The following ELMO1 variants were observed in gnomAD, a reference collection of about 807,000 sequenced individuals.
ELMO1 encodes the protein engulfment and cell motility protein 1.
A neutral mutation model predicts 98.9 loss-of-function variants in ELMO1; 26 were observed. The observed-to-expected ratio is 0.26, with a 90% CI of 0.19 to 0.36. The LOEUF (loss-of-function observed/expected upper bound fraction) is 0.36. ELMO1 is among the 10% of genes least tolerant of loss of function. The probability of loss-of-function intolerance (pLI) is 1.00; values close to 1 mark genes in which losing one functional copy is unlikely to be tolerated. For synonymous variants in ELMO1, 346 were observed against 346.0 expected, an observed-to-expected ratio of 1.00 and a Z score of 0.00; for missense variants, 627 against 935.2, an observed-to-expected ratio of 0.67 and a Z score of 4.30.
intron 1 of ELMO1, among the ~76,000 whole-genome samples, chr7:37,397,369 G>C (rs2131443370): frequency 6.6e-6 from 1 of 152,352 alleles, no homozygotes; most frequent in East Asian, 1.9e-4. Flanking sequence ...GAAGGCTCAA[G>C]CCCATCTTTG....
At chr7:37,226,437 C>T (rs1365596206) in intron 8 of ELMO1, among the ~76,000 whole-genome samples, 2 of 152,134 alleles carry the variant, frequency 1.3e-5, no homozygotes, top group East Asian at 3.9e-4. Flanking sequence ...CCATCTTTCT[C>T]TGACAAAAAT....
chr7:37,109,786 G>A (rs749689735), intron 14 of ELMO1, among the ~76,000 whole-genome samples: 36 of 152,194 alleles, frequency 2.4e-4, no homozygotes, highest in Non-Finnish European at 4.8e-4. Context: ...CCTGAAGACT[G>A]GCCTGCCTCT....
At chr7:37,187,828 C>G (rs1428515360) in intron 13 of ELMO1, among the ~76,000 whole-genome samples, 4 of 152,160 alleles carry the variant, frequency 2.6e-5, no homozygotes, top group Non-Finnish European at 5.9e-5. Context: ...TTCACAGTGA[C>G]TGAGACAGCA....
At chr7:36,972,112 T>G (rs1790016761) in intron 16 of ELMO1, among the ~76,000 whole-genome samples, 1 of 152,176 alleles carries the variant, frequency 6.6e-6, no homozygotes, top group African/African-American at 2.4e-5. Context: ...GAGTTTTACA[T>G]GTTATTAATT....
rs75383018 is a variant in ELMO1, at chr7:37,320,756, G to A, written c.79-4796C>T. ...ATGTAGGTGTGAATAGGATCTAATA[G>A]GAGACTCAATACACCTCTGCTAAAT... On this transcript the variant is annotated intron_variant, in intron 2 of 21. Coordinates refer to ENST00000310758, the MANE Select transcript of ELMO1 (RefSeq NM_014800.11). Among the ~76,000 whole-genome samples, 880 of 152,056 alleles carry A rather than the reference G, an allele frequency of 5.8e-3. 7 individuals carry two copies. Among genetic ancestry groups the A allele is most frequent in the African/African-American group, 0.02 (829 of 41,428 alleles).
rs1405935344 is a variant in ELMO1 at position 36,854,907 on chromosome 7, T to C, written c.*644A>G. ...TCACAGTGCAGACGCAAAGTGGGCA[T>C]GGGACCTGTGGACTGTTTGGGAAAT... On this transcript the variant is annotated 3_prime_UTR_variant, in exon 22 of 22. Transcript: ENST00000310758. The C allele has an allele frequency of 6.4e-6, 1 of 155,086 alleles. No homozygotes were observed. Among genetic ancestry groups the C allele is most frequent in the Non-Finnish European group, 1.4e-5 (1 of 69,730 alleles). The allele number at this position is 155,086 out of a possible 1,614,324, so 9.6% of individuals were successfully genotyped here. A position where few individuals can be genotyped will look rare whatever the true frequency, so the allele number is the denominator to read the frequency against.
chr7:36,986,748 C>T (rs899539482), intron 16 of ELMO1, among the ~76,000 whole-genome samples: 1 of 152,114 alleles, frequency 6.6e-6, no homozygotes, highest in African/African-American at 2.4e-5. Context: ...AGAACCACCT[C>T]GCGATACCTT....
At chr7:36,941,868 A>G (rs1482973244) in intron 16 of ELMO1, among the ~76,000 whole-genome samples, 1 of 152,206 alleles carries the variant, frequency 6.6e-6, no homozygotes, top group Non-Finnish European at 1.5e-5. Flanking sequence ...GAGCAAACTG[A>G]TGCTCAGAGA....
intron 19 of ELMO1, among the ~76,000 whole-genome samples, chr7:36,876,188 A>C (rs1369171237): frequency 6.6e-6 from 1 of 152,190 alleles, no homozygotes; most frequent in Non-Finnish European, 1.5e-5. Flanking sequence ...AAGGGAGTTT[A>C]CACCAGTGAG....
At chr7:37,379,132 C>CG in intron 1 of ELMO1, among the ~76,000 whole-genome samples, 1 of 152,176 alleles carries the variant, frequency 6.6e-6, no homozygotes. Context: ...CTCCGCCTCC[C>CG]GGGTTCATGC....
chr7:37,171,184 T>C (rs1790127974), intron 13 of ELMO1, among the ~76,000 whole-genome samples: 1 of 152,188 alleles, frequency 6.6e-6, no homozygotes, highest in Admixed American at 6.5e-5. Flanking sequence ...TGCCTATATA[T>C]CGTTAAGTCC....
intron 15 of ELMO1, among the ~76,000 whole-genome samples, chr7:37,048,573 A>G (rs1184112586): frequency 1.3e-5 from 2 of 152,190 alleles, no homozygotes; most frequent in African/African-American, 2.4e-5. Context: ...CCCACAGGCA[A>G]CTCTAAAGCG....
At chr7:37,316,541 C>T (rs1328403775) in intron 2 of ELMO1, among the ~76,000 whole-genome samples, 3 of 152,156 alleles carry the variant, frequency 2.0e-5, no homozygotes, top group Admixed American at 1.3e-4. Flanking sequence ...ACACCATGTG[C>T]CCTGGTGTCA....
At chr7:37,336,025 G>C (rs575334482) in intron 2 of ELMO1, among the ~76,000 whole-genome samples, 6 of 152,220 alleles carry the variant, frequency 3.9e-5, no homozygotes, top group Admixed American at 1.3e-4. Context: ...CCAGGAGTTT[G>C]AGACCAGCCT....
chr7:37,024,678 T>G, intron 15 of ELMO1, among the ~76,000 whole-genome samples: 1 of 152,152 alleles, frequency 6.6e-6, no homozygotes, highest in East Asian at 1.9e-4. Flanking sequence ...TAACAAAAAC[T>G]CATATCTTGT....
chr7:36,861,669 T>C lies in ELMO1; in HGVS notation c.1973A>G (p.Asp658Gly), dbSNP rs141508815. 81 of 1,611,626 alleles carry C rather than the reference T, an allele frequency of 5.0e-5. No individual in the cohort carries two copies. Among genetic ancestry groups the C allele is most frequent in the Non-Finnish European group, 1.0e-5 (12 of 1,179,514 alleles). The change falls in exon 21 of 22, where the codon GAC becomes GGC. Residue 658 changes from aspartate to glycine, a missense_variant. Asp to Gly is a moderately conservative substitution (Grantham distance 94). Transcript: ENST00000310758. ...CCCCGAGACCCTTACCTCATGCTTG[T>C]CAGGAGCGATGAAGTTCAGTTGGCA... is the stretch of plus-strand genomic sequence containing the variant. ...SNCQLNFIAPDKHEYCIWTDG... is the reference protein window; with the variant it reads ...SNCQLNFIAPGKHEYCIWTDG...
intron 10 of ELMO1, among the ~76,000 whole-genome samples, chr7:37,219,470 T>C (rs899427387): frequency 4.6e-5 from 7 of 152,330 alleles, no homozygotes; most frequent in Non-Finnish European, 7.4e-5. Context: ...GCAATGGTTC[T>C]AAGGCTTTAA....
At chr7:37,324,627 G>T (rs1799701431) in intron 2 of ELMO1, among the ~76,000 whole-genome samples, 1 of 152,138 alleles carries the variant, frequency 6.6e-6, no homozygotes, top group South Asian at 2.1e-4. Flanking sequence ...CGTCACAAAG[G>T]CTGGAGTGCA....
chr7:36,859,955 T>C (rs79184270), intron 21 of ELMO1, among the ~76,000 whole-genome samples: 2,961 of 152,264 alleles, frequency 0.019, 108 homozygotes, highest in African/African-American at 0.069. Context: ...CCCGTCCTCT[T>C]CCTTCTCCCT....
Sources: gnomAD v4.1 joint callset for allele counts (sites outside exome capture counted in the v4.1 genomes callset) on GRCh38, gnomAD v4.1.1 for gene constraint, MANE v1.5 for transcripts, NCBI Gene and HGNC (gene_info 2026-07-23, HGNC 2026-07-21) for gene names.